MCM10: variants seen among roughly 807,000 people sequenced by gnomAD.
MCM10 encodes protein MCM10 homolog.
In MCM10, 91 loss-of-function variants were observed where a neutral mutation model predicts 109.9. The observed-to-expected ratio is 0.83, with a 90% CI of 0.70 to 0.99. The LOEUF is 0.99. Among genes scored for constraint, MCM10 ranks in the 50% least tolerant of loss-of-function variants. The probability of loss-of-function intolerance (pLI) is 0.00; values close to 1 mark genes in which losing one functional copy is unlikely to be tolerated. For missense variants in MCM10, 1,077 were observed against 1,061.2 expected, an observed-to-expected ratio of 1.01 and a Z score of -0.21; for synonymous variants, 380 against 387.2, an observed-to-expected ratio of 0.98 and a Z score of 0.22.
At chr10:13,187,241 T>TCTGTCTGG (rs1296299246) in intron 9 of MCM10, among the ~76,000 whole-genome samples, 2 of 152,210 alleles carry the variant, frequency 1.3e-5, no homozygotes, top group African/African-American at 4.8e-5. Flanking sequence ...TGTGGCCTTT[T>TCTGTCTGG]CTGTCTGGCT....
chr10:13,194,529 C>T lies in MCM10; in HGVS notation c.1746-512C>T, dbSNP rs193088873. 3.4e-3 allele frequency among the ~76,000 whole-genome samples: 501 copies of T among 149,456 alleles called. 2 individuals carry two copies. The highest frequency in any genetic ancestry group is 0.011 in the African/African-American group (472 of 41,184). On this transcript the variant is annotated intron_variant, in intron 13 of 19. Transcript: ENST00000378714. ...CCACTGCACTCCAGCCTGGGTGACA[C>T]AGCGAGACTCTGTCTCAAAAAAATC... is the stretch of plus-strand genomic sequence containing the variant.
chr10:13,199,370 G>A (rs1237541605), intron 16 of MCM10, among the ~76,000 whole-genome samples: 1 of 152,182 alleles, frequency 6.6e-6, no homozygotes, highest in Non-Finnish European at 1.5e-5. Flanking sequence ...TTATAAAAAT[G>A]TTTGCATTTG....
rs1477243803 is a variant in MCM10 at position 13,210,973 on chromosome 10, T to C, written c.*1663T>C. ...AATGTTCTTGTTTGAACAGAGGGTA[T>C]CATTGCAGTCAGTATTCACGTGTAT... On this transcript the variant is annotated 3_prime_UTR_variant, in exon 20 of 20. Coordinates refer to ENST00000378714, the MANE Select transcript of MCM10 (RefSeq NM_018518.5). 1 of 152,204 alleles carries C rather than the reference T, an allele frequency of 6.6e-6. No homozygotes were observed. Among genetic ancestry groups the C allele is most frequent in the Non-Finnish European group, 1.5e-5 (1 of 68,032 alleles). 9.4% of individuals were successfully genotyped at this position (152,204 alleles called of 1,614,324 possible). A position where few individuals can be genotyped will look rare whatever the true frequency, so the allele number is the denominator to read the frequency against.
At chr10:13,170,527 C>T (rs1452238231) in intron 2 of MCM10, among the ~76,000 whole-genome samples, 1 of 152,162 alleles carries the variant, frequency 6.6e-6, no homozygotes, top group Non-Finnish European at 1.5e-5. Flanking sequence ...TGCTTGAGGA[C>T]ATTTGGCCCC....
At chr10:13,175,388 T>C (rs1834127455) in intron 5 of MCM10, 122 bp from the exon 6 acceptor site, 4 of 761,516 alleles carry the variant, frequency 5.3e-6, no homozygotes, top group Non-Finnish European at 8.8e-6. Flanking sequence ...ACCATTGCAC[T>C]CCTGCCTGGG....
At chr10:13,178,434 G>A (rs1405439530) in intron 6 of MCM10, among the ~76,000 whole-genome samples, 1 of 152,154 alleles carries the variant, frequency 6.6e-6, no homozygotes, top group East Asian at 1.9e-4. Context: ...CGAGAGATAG[G>A]GATCTAGTTT....
chr10:13,175,220 G>A (rs1834125086), intron 5 of MCM10, among the ~76,000 whole-genome samples: 1 of 152,084 alleles, frequency 6.6e-6, no homozygotes, highest in Non-Finnish European at 1.5e-5. Flanking sequence ...GATTGCTTGG[G>A]CTCAGGGGTT....
At chr10:13,167,856 G>A (rs1834022350) in intron 2 of MCM10, among the ~76,000 whole-genome samples, 1 of 152,150 alleles carries the variant, frequency 6.6e-6, no homozygotes. Flanking sequence ...GAGGCTTCCA[G>A]GGGTAGCCAG....
rs376224593 is a variant in MCM10 at position 13,197,592 on chromosome 10, C to T, written c.1975-31C>T. 6.9e-6 allele frequency: 11 copies of T among 1,601,546 alleles called. No homozygotes were observed. The East Asian group carries it at 1.6e-4, about 23-fold the overall frequency. ...TAAGTGCCTCTGTCATCTTTTAGATCTTTACCTCCCTCTCATTCCCTTTTT... is the reference window on the plus strand; with the variant it reads ...TAAGTGCCTCTGTCATCTTTTAGATTTTTACCTCCCTCTCATTCCCTTTTT... On this transcript the variant is annotated intron_variant, in intron 14 of 19. Coordinates refer to ENST00000378714, the MANE Select transcript of MCM10 (RefSeq NM_018518.5).
At chr10:13,186,385 A>T in intron 9 of MCM10, 105 bp downstream of exon 9, 3 of 705,954 alleles carry the variant, frequency 4.2e-6, no homozygotes, top group Non-Finnish European at 7.2e-6. Flanking sequence ...TGAGTTTCCC[A>T]CTTAAAGGAA....
intron 13 of MCM10, 66 bp downstream of exon 13, chr10:13,192,634 C>T (rs950096794): frequency 2.1e-6 from 3 of 1,398,770 alleles, no homozygotes; most frequent in Non-Finnish European, 3.0e-6. Flanking sequence ...AGAACGTCTT[C>T]ATCGATTTCC....
At position 13,171,172 on chromosome 10, in the gene MCM10, TGAA is replaced by T. The variant is rs531543734; in HGVS notation, c.266_268del (p.Glu89del). 3.2e-4 allele frequency: 516 copies of T among 1,614,182 alleles called. 7 individuals carry two copies. In the South Asian group the frequency reaches 5.3e-3, roughly 17 times the overall value. On this transcript the variant is annotated inframe_deletion, in exon 3 of 20. Transcript: ENST00000378714. ...TTGGAGATATGGAGGACTTAACAGA[TGAA>T]GAAGAAGTTCCCGCATCACAGTCAA...
chr10:13,172,870 T>G lies in MCM10; in HGVS notation c.592+105T>G. The stretch of plus-strand genomic sequence containing the variant: ...TCTGTGTCTTTTGGTCTGTCTTATG[T>G]CCCCATTGAGAAAGAAAGTTTCTTG... On this transcript the variant is annotated intron_variant, in intron 5 of 19. Coordinates refer to ENST00000378714, the MANE Select transcript of MCM10 (RefSeq NM_018518.5). The surrounding 1 kb of genome is among the most constrained non-coding windows in gnomAD (Gnocchi z 5.2). 9.4e-7 allele frequency: 1 copy of G among 1,068,948 alleles called. No homozygotes were observed. The highest frequency in any genetic ancestry group is 1.7e-5 in the South Asian group (1 of 60,258). 66.2% of individuals were successfully genotyped at this position (1,068,948 alleles called of 1,614,324 possible). A position where few individuals can be genotyped will look rare whatever the true frequency, so the allele number is the denominator to read the frequency against.
intron 15 of MCM10, 110 bp from the exon 16 acceptor site, chr10:13,198,579 G>C: frequency 4.2e-6 from 3 of 721,724 alleles, no homozygotes; most frequent in Non-Finnish European, 4.8e-6. Flanking sequence ...GGTCAAGTTT[G>C]AAGGGCTGGT....
At chr10:13,185,836 T>G (rs1268772802) in intron 8 of MCM10, among the ~76,000 whole-genome samples, 3 of 152,152 alleles carry the variant, frequency 2.0e-5, no homozygotes, top group Non-Finnish European at 2.9e-5. Context: ...TCACAGCTCA[T>G]TTCAGCCTGG....
intron 2 of MCM10, among the ~76,000 whole-genome samples, chr10:13,165,902 G>C (rs982449598): frequency 6.9e-6 from 1 of 144,648 alleles, no homozygotes; most frequent in South Asian, 2.2e-4. Flanking sequence ...AGAGGAAAAA[G>C]AAATCATAAT....
intron 19 of MCM10, 41 bp downstream of exon 19, chr10:13,209,174 C>A: frequency 6.2e-7 from 1 of 1,601,798 alleles, no homozygotes; most frequent in Non-Finnish European, 8.6e-7. Context: ...CTTTTAGTGA[C>A]CCATGCTAAT....
At chr10:13,165,151 A>G (rs902773643) in intron 2 of MCM10, among the ~76,000 whole-genome samples, 4 of 152,186 alleles carry the variant, frequency 2.6e-5, no homozygotes, top group African/African-American at 4.8e-5. Context: ...TTTCCTGTAC[A>G]TACATACGTG....
chr10:13,183,157 T>C (rs1183371937), intron 8 of MCM10, 57 bp downstream of exon 8: 10 of 1,575,618 alleles, frequency 6.3e-6, no homozygotes, highest in Admixed American at 3.5e-5. Flanking sequence ...TAACTGAGTT[T>C]TATCAAAGAT....
Sources: allele counts gnomAD v4.1 joint callset (sites outside exome capture counted in the v4.1 genomes callset), GRCh38; gene constraint gnomAD v4.1.1; non-coding constraint Gnocchi (gnomAD v3.1); transcripts MANE v1.5; gene names NCBI Gene and HGNC (gene_info 2026-07-23, HGNC 2026-07-21).